The following TBC1D8 variants were observed in gnomAD, a reference collection of about 807,000 sequenced individuals.
TBC1D8 encodes TBC1 domain family member 8, also known as BUB2-like protein 1.
TBC1D8 carries 65 observed loss-of-function variants against 118.8 expected under a neutral mutation model. The ratio of observed to expected loss-of-function variants is 0.55; its 90% confidence interval spans 0.45 to 0.67. The LOEUF is 0.67. Among genes scored for constraint, TBC1D8 ranks in the 30% least tolerant of loss-of-function variants. The pLI is 0.00. For synonymous variants in TBC1D8, 566 were observed against 595.8 expected, an observed-to-expected ratio of 0.95 and a Z score of 0.73; for missense variants, 1,376 against 1,471.2, an observed-to-expected ratio of 0.94 and a Z score of 1.06.
intron 5 of TBC1D8, among the ~76,000 whole-genome samples, chr2:101,048,103 C>T (rs535379249): frequency 6.6e-6 from 1 of 152,192 alleles, no homozygotes; most frequent in Non-Finnish European, 1.5e-5. Context: ...CCCATGTGCC[C>T]CACACACACA....
At chr2:101,069,644 TTTG>T (rs1398395383) in intron 2 of TBC1D8, among the ~76,000 whole-genome samples, 5 of 152,156 alleles carry the variant, frequency 3.3e-5, no homozygotes, top group African/African-American at 1.2e-4. Context: ...AATGAAAGTA[TTTG>T]TTAATAATAT....
chr2:101,094,533 A>G (rs1467062611), intron 1 of TBC1D8, among the ~76,000 whole-genome samples: 2 of 152,214 alleles, frequency 1.3e-5, no homozygotes, highest in African/African-American at 2.4e-5. Context: ...ATCTAGTTTG[A>G]TAAAAACCGG....
intron 15 of TBC1D8, 78 bp from the exon 16 acceptor site, chr2:101,022,599 T>C: frequency 6.6e-7 from 1 of 1,508,518 alleles, no homozygotes. Context: ...AATACAATAA[T>C]AAATTACTCA....
At position 101,040,842 on chromosome 2, in the gene TBC1D8, T is replaced by G. The variant is rs368767950; in HGVS notation, c.873-457A>C. ...GCAAAAAGGCACCATGCATGTCCTG[T>G]GCTGGTGCACGTGGGCATCCCACAT... On this transcript the variant is annotated intron_variant, in intron 5 of 19. Coordinates refer to ENST00000409318, the MANE Select transcript of TBC1D8 (RefSeq NM_001330348.2). 5.1e-4 allele frequency among the ~76,000 whole-genome samples: 78 copies of G among 152,402 alleles called. 1 individual carries two copies. Among genetic ancestry groups the G allele is most frequent in the African/African-American group, 1.8e-3 (76 of 41,606 alleles).
intron 1 of TBC1D8, among the ~76,000 whole-genome samples, chr2:101,137,182 G>A (rs1342977637): frequency 3.3e-5 from 5 of 151,942 alleles, no homozygotes; most frequent in Non-Finnish European, 7.4e-5. Flanking sequence ...ACAGGCGTGT[G>A]CCACCACGCC....
intron 2 of TBC1D8, among the ~76,000 whole-genome samples, chr2:101,076,452 C>T (rs1422915562): frequency 6.6e-6 from 1 of 152,174 alleles, no homozygotes; most frequent in Admixed American, 6.5e-5. Context: ...AAATACATGG[C>T]GCAGCCTATA....
At chr2:101,112,938 T>C (rs764114466) in intron 1 of TBC1D8, among the ~76,000 whole-genome samples, 71 of 152,200 alleles carry the variant, frequency 4.7e-4, no homozygotes, top group Non-Finnish European at 5.0e-4. Flanking sequence ...CTCCATTTCA[T>C]TGAGACAGTA....
intron 2 of TBC1D8, among the ~76,000 whole-genome samples, chr2:101,072,755 G>A (rs1460254154): frequency 3.3e-5 from 5 of 152,052 alleles, no homozygotes; most frequent in African/African-American, 1.2e-4. Context: ...CTTGCCTGCC[G>A]CTCACCTCGT....
At chr2:101,112,898 G>T (rs1016489205) in intron 1 of TBC1D8, among the ~76,000 whole-genome samples, 1 of 152,182 alleles carries the variant, frequency 6.6e-6, no homozygotes, top group Admixed American at 6.5e-5. Context: ...TACGTCAAAA[G>T]AACCCTTGCT....
At position 101,050,442 on chromosome 2, in the gene TBC1D8, G is replaced by T; in HGVS notation, c.831C>A (p.Asp277Glu). 6.2e-7 allele frequency: 1 copy of T among 1,613,812 alleles called. No homozygotes were observed. Residue 277 changes from aspartate to glutamate, a missense_variant, in exon 5 of 20, where the codon GAC becomes GAA. By Grantham distance (45) the Asp-to-Glu change is conservative. Coordinates refer to ENST00000409318, the MANE Select transcript of TBC1D8 (RefSeq NM_001330348.2). Reference protein sequence around the residue: ...LRRLLDNEVFDLDPDLQEPSQ... With the variant: ...LRRLLDNEVFELDPDLQEPSQ... ...TCGGCTCCTGCAGATCGGGGTCGAG[G>T]TCAAAGACCTCATTATCCAGCAGCC...
At chr2:101,115,644 G>C (rs551614152) in intron 1 of TBC1D8, among the ~76,000 whole-genome samples, 2 of 152,258 alleles carry the variant, frequency 1.3e-5, no homozygotes, top group African/African-American at 4.8e-5. Flanking sequence ...CCAGCTACTT[G>C]GGAGGCCAAG....
chr2:101,124,829 G>C (rs1224345313), intron 1 of TBC1D8, among the ~76,000 whole-genome samples: 1 of 152,176 alleles, frequency 6.6e-6, no homozygotes, highest in Non-Finnish European at 1.5e-5. Flanking sequence ...AAGAGGCTGG[G>C]TGGCCAGGAA....
chr2:101,101,296 A>C (rs866105303), intron 1 of TBC1D8, among the ~76,000 whole-genome samples: 1 of 152,230 alleles, frequency 6.6e-6, no homozygotes, highest in South Asian at 2.1e-4. Flanking sequence ...GTATGAAAAA[A>C]AGCTCAACAT....
rs753347189 is a variant in TBC1D8 at position 101,054,226 on chromosome 2, C to T, written c.513G>A (p.Ala171=). ...AGGAGTAGTAGGTGACCAGCTTCTC[C>T]GCCTCGGGGAAGTTGAACCTGGCCT... ...KFEARFNFPE[A]EKLVTYYSCC... The change falls in exon 4 of 20, where the codon GCG becomes GCA. Residue 171 remains alanine (A), a synonymous_variant. Transcript: ENST00000409318. The T allele has an allele frequency of 2.5e-5, 41 of 1,610,086 alleles. No individual in the cohort carries two copies. Among genetic ancestry groups the T allele is most frequent in the African/African-American group, 5.3e-5 (4 of 74,870 alleles).
intron 1 of TBC1D8, among the ~76,000 whole-genome samples, chr2:101,104,950 G>A (rs1229708521): frequency 1.3e-5 from 2 of 150,542 alleles, no homozygotes; most frequent in Non-Finnish European, 3.0e-5. Context: ...GCTTGAACCC[G>A]GGAGGTGGAG....
chr2:101,150,916 C>A (rs1558735818), intron 1 of TBC1D8, among the ~76,000 whole-genome samples: 2 of 152,146 alleles, frequency 1.3e-5, no homozygotes, highest in South Asian at 2.1e-4. Flanking sequence ...GGAAAACGCA[C>A]GCGCCCGGGA....
intron 2 of TBC1D8, among the ~76,000 whole-genome samples, 165 bp downstream of exon 2, chr2:101,090,044 G>C (rs545292185): frequency 6.7e-6 from 1 of 150,106 alleles, no homozygotes; most frequent in East Asian, 2.0e-4. Context: ...GAGGAGGGAA[G>C]GAGAGGGAAG....
chr2:101,035,739 G>T (rs1680965410), intron 9 of TBC1D8, among the ~76,000 whole-genome samples: 1 of 152,180 alleles, frequency 6.6e-6, no homozygotes, highest in East Asian at 1.9e-4. Context: ...TCAGCACTAT[G>T]TAGAGCCTCG....
intron 7 of TBC1D8, 105 bp from the exon 8 acceptor site, chr2:101,037,813 C>A: frequency 2.1e-6 from 3 of 1,417,328 alleles, no homozygotes; most frequent in Non-Finnish European, 9.7e-7. Flanking sequence ...ACGGGCATAG[C>A]AGACTTCAAT....
Sources: gnomAD v4.1 joint callset for allele counts (sites outside exome capture counted in the v4.1 genomes callset) on GRCh38, gnomAD v4.1.1 for gene constraint, MANE v1.5 for transcripts, NCBI Gene and HGNC (gene_info 2026-07-23, HGNC 2026-07-21) for gene names.